Variants in DOP1B observed in about 807,000 individuals in gnomAD.
The protein encoded by DOP1B is protein DOP1B.
In DOP1B, 174 loss-of-function variants were observed where a neutral mutation model predicts 233.5. That is an observed-to-expected ratio of 0.75 (90% confidence interval 0.66 to 0.85). DOP1B has a LOEUF of 0.85. Ranked by LOEUF, DOP1B falls within the 40% of genes least tolerant of loss-of-function variation. DOP1B has a pLI of 0.00. For missense variants in DOP1B, 2,652 were observed against 2,846.6 expected (o/e 0.93, Z 1.56); for synonymous variants, 1,190 against 1,185.6 (o/e 1.00, Z -0.08).
Position 36,288,227 on chromosome 21 carries a change from T to C in DOP1B, c.6297+77T>C. The C allele has an allele frequency of 2.2e-6, 3 of 1,373,210 alleles. No individual in the cohort carries two copies. In the South Asian group the frequency reaches 4.1e-5, roughly 19 times the overall value. 85.1% of individuals were successfully genotyped at this position (1,373,210 alleles called of 1,614,324 possible). A position where few individuals can be genotyped will look rare whatever the true frequency, so the allele number is the denominator to read the frequency against. Reference sequence around the variant, plus strand: ...CTTTTTCAGTAACATAACGTACTATTTCCTATGTATCCCATTTTATCTAAA... The same window carrying C: ...CTTTTTCAGTAACATAACGTACTATCTCCTATGTATCCCATTTTATCTAAA... On this transcript the variant is annotated intron_variant, in intron 33 of 36. Coordinates refer to ENST00000691173, the MANE Select transcript of DOP1B (RefSeq NM_001320714.2).
rs961487954 is a variant in DOP1B at position 36,156,903 on chromosome 21, C to T, written c.-67C>T. 1 of 152,336 alleles carries T rather than the reference C, an allele frequency of 6.6e-6. No individual in the cohort carries two copies. Among genetic ancestry groups the T allele is most frequent in the Admixed American group, 6.5e-5 (1 of 15,276 alleles). 9.4% of individuals were successfully genotyped at this position (152,336 alleles called of 1,614,324 possible). A position where few individuals can be genotyped will look rare whatever the true frequency, so the allele number is the denominator to read the frequency against. On this transcript the variant is annotated 5_prime_UTR_variant, in exon 1 of 37. Transcript: ENST00000691173. ...TCCCCCAGCCCGGAGGGCTCCTCCG[C>T]GCCGCACGTGAGCGCGCCCGCCAAC...
At chr21:36,158,253 G>A (rs917493072) in intron 1 of DOP1B, among the ~76,000 whole-genome samples, 1 of 152,108 alleles carries the variant, frequency 6.6e-6, no homozygotes, top group Non-Finnish European at 1.5e-5. Context: ...CGGTTTTACT[G>A]AACTCTTCAA....
intron 2 of DOP1B, among the ~76,000 whole-genome samples, chr21:36,176,121 T>TGTGTGTGTGTGTGG (rs962494737): frequency 6.6e-6 from 1 of 151,766 alleles, no homozygotes; most frequent in African/African-American, 2.4e-5. Context: ...TGTGTGTGTG[T>TGTGTGTGTGTGTGG]GGTGATACAG....
chr21:36,246,881 A>ATGTTG lies in DOP1B; in HGVS notation c.4697+208_4697+209insGTGTT, dbSNP rs1569048940. On this transcript the variant is annotated intron_variant, in intron 19 of 36. Transcript: ENST00000691173. The surrounding 1 kb of genome is among the most constrained non-coding windows in gnomAD (Gnocchi z 5.1). The stretch of plus-strand genomic sequence containing the variant: ...ATGTTATGTTATGTTATGTTATGTT[A>ATGTTG]TGTTATGTTATGTTATTTTTGAGAC... Among the ~76,000 whole-genome samples the ATGTTG allele has an allele frequency of 6.7e-6, 1 of 148,834 alleles. No individual in the cohort carries two copies. The highest frequency in any genetic ancestry group is 1.5e-5 in the Non-Finnish European group (1 of 67,770).
At position 36,281,629 on chromosome 21, in the gene DOP1B, G is replaced by T; in HGVS notation, c.6160+18G>T. 1 of 1,549,728 alleles carries T rather than the reference G, an allele frequency of 6.5e-7. No individual in the cohort carries two copies. The highest frequency in any genetic ancestry group is 8.8e-7 in the Non-Finnish European group (1 of 1,137,786). ...GATACAAGGTAAGACAGCTGTCTTA[G>T]TCTGTTTTTTGCTGCTATAACAGAA... On this transcript the variant is annotated intron_variant, in intron 32 of 36. Coordinates refer to ENST00000691173, the MANE Select transcript of DOP1B (RefSeq NM_001320714.2).
intron 36 of DOP1B, among the ~76,000 whole-genome samples, chr21:36,292,795 G>A (rs2067574782): frequency 6.6e-6 from 1 of 151,920 alleles, no homozygotes; most frequent in African/African-American, 2.4e-5. Context: ...TGTATTTTTA[G>A]TAGAGACAGG....
chr21:36,201,212 A>G (rs2066361342), intron 4 of DOP1B, among the ~76,000 whole-genome samples: 1 of 152,120 alleles, frequency 6.6e-6, no homozygotes, highest in Non-Finnish European at 1.5e-5. Flanking sequence ...ACATGATCAC[A>G]TTGTGTAATG....
intron 7 of DOP1B, 63 bp from the exon 8 acceptor site, chr21:36,214,018 G>C: frequency 7.6e-7 from 1 of 1,321,174 alleles, no homozygotes; most frequent in Non-Finnish European, 1.1e-6. Flanking sequence ...TGAGACTTTT[G>C]CACAATATGA....
At chr21:36,290,100 A>G (rs1601487722) in intron 35 of DOP1B, among the ~76,000 whole-genome samples, 1 of 151,880 alleles carries the variant, frequency 6.6e-6, no homozygotes, top group African/African-American at 2.4e-5. Context: ...CAAATGTACC[A>G]CTCTGGTGCA....
intron 23 of DOP1B, among the ~76,000 whole-genome samples, chr21:36,254,472 T>A (rs1351184419): frequency 6.6e-6 from 1 of 152,052 alleles, no homozygotes; most frequent in Non-Finnish European, 1.5e-5. Context: ...GTGGGGAGGC[T>A]GCTCAGTCCA....
chr21:36,175,274 C>A (rs9981222), intron 2 of DOP1B, among the ~76,000 whole-genome samples: 2,584 of 152,088 alleles, frequency 0.017, 23 homozygotes, highest in Non-Finnish European at 0.027. Flanking sequence ...CCACAGCCAG[C>A]TAATTTTTGT....
chr21:36,269,892 TG>T, intron 26 of DOP1B, 120 bp from the exon 27 acceptor site: 1 of 973,408 alleles, frequency 1.0e-6, no homozygotes, highest in South Asian at 1.6e-5. Flanking sequence ...GAAAGCTTAA[TG>T]GTACGTATAT....
chr21:36,232,595 G>T lies in DOP1B; in HGVS notation c.2351-209G>T, dbSNP rs139715741. Among the ~76,000 whole-genome samples, 90 of 152,184 alleles carry T rather than the reference G, an allele frequency of 5.9e-4. 1 individual carries two copies. The East Asian group carries it at 0.015, about 25-fold the overall frequency. On this transcript the variant is annotated intron_variant, in intron 14 of 36. Transcript: ENST00000691173. Reference sequence around the variant, plus strand: ...AGGACACCAGTCATATTGGATTAGGGCCCACCCTAACAACCTCATCTTAAT... The same window carrying T: ...AGGACACCAGTCATATTGGATTAGGTCCCACCCTAACAACCTCATCTTAAT...
In DOP1B at chr21:36,278,348, T is replaced by C; in HGVS notation, c.5962T>C (p.Cys1988Arg). 4 of 1,612,222 alleles carry C rather than the reference T, an allele frequency of 2.5e-6. No homozygotes were observed. Among genetic ancestry groups the C allele is most frequent in the Non-Finnish European group, 3.4e-6 (4 of 1,179,698 alleles). ...CGCTTTCTTTCAGATGGATACTTCC[T>C]GTGTTCAGTAAGATATGCTGTCCTG... ...DPAFFQMDTSCVHWKSIIDHL... is the reference protein window; with the variant it reads ...DPAFFQMDTSRVHWKSIIDHL... Residue 1988 changes from cysteine (C) to arginine (R), a missense_variant, in exon 30 of 37, where the codon TGT becomes CGT. Physicochemically the swap from Cys to Arg is radical, Grantham distance 180 (BLOSUM62 -3). Transcript: ENST00000691173.
intron 2 of DOP1B, among the ~76,000 whole-genome samples, chr21:36,177,994 G>C (rs1021210736): frequency 5.9e-5 from 9 of 152,176 alleles, no homozygotes; most frequent in Non-Finnish European, 1.0e-4. Flanking sequence ...TCCCAAGAAA[G>C]TTAGGAGCTA....
chr21:36,202,431 G>A (rs2123476381), intron 4 of DOP1B, among the ~76,000 whole-genome samples: 1 of 152,288 alleles, frequency 6.6e-6, no homozygotes, highest in East Asian at 1.9e-4. Flanking sequence ...CTGTGCTGGA[G>A]GCCCTAGTCA....
At chr21:36,184,083 C>T (rs1235564586) in intron 2 of DOP1B, among the ~76,000 whole-genome samples, 1 of 151,880 alleles carries the variant, frequency 6.6e-6, no homozygotes, top group African/African-American at 2.4e-5. Context: ...GAGTCATACT[C>T]TGTCGTCCAG....
At chr21:36,232,675 A>G in intron 14 of DOP1B, 129 bp from the exon 15 acceptor site, 1 of 1,250,838 alleles carries the variant, frequency 8.0e-7, no homozygotes, top group Non-Finnish European at 1.1e-6. Flanking sequence ...GCGGGAGGTT[A>G]GCGCACTGCT....
At chr21:36,232,750 C>T (rs2066781658) in intron 14 of DOP1B, 54 bp from the exon 15 acceptor site, 16 of 1,604,140 alleles carry the variant, frequency 1.0e-5, no homozygotes, top group Non-Finnish European at 1.4e-5. Context: ...AGACTGGGGA[C>T]CCATTCTCAC....
Sources: allele counts gnomAD v4.1 joint callset (sites outside exome capture counted in the v4.1 genomes callset), GRCh38; gene constraint gnomAD v4.1.1; non-coding constraint Gnocchi (gnomAD v3.1); transcripts MANE v1.5; gene names NCBI Gene and HGNC (gene_info 2026-07-23, HGNC 2026-07-21).